UGT3A2: variants seen among roughly 807,000 people sequenced by gnomAD.
The protein encoded by UGT3A2 is UDP-glycosyltransferase 3A2.
Under a neutral mutation model 39.8 loss-of-function variants are expected in UGT3A2, and 32 were observed. The ratio of observed to expected loss-of-function variants is 0.80; its 90% CI spans 0.61 to 1.08. The LOEUF (loss-of-function observed/expected upper bound fraction) is 1.08. UGT3A2 is among the 50% of genes least tolerant of loss of function. The pLI, the probability that UGT3A2 is intolerant of heterozygous loss-of-function variation, is 0.00. For synonymous variants in UGT3A2, 241 were observed against 230.7 expected (o/e 1.04, Z -0.40); for missense variants, 611 against 637.1 (o/e 0.96, Z 0.44).
At chr5:36,061,614 C>A (rs1448458535) in intron 2 of UGT3A2, among the ~76,000 whole-genome samples, 1 of 150,194 alleles carries the variant, frequency 6.7e-6, no homozygotes, top group Non-Finnish European at 1.5e-5. Context: ...TGTATATGTG[C>A]CACATTTTCT....
rs1741788170 is a variant in UGT3A2, at chr5:36,035,482, T to G, written c.*216A>C. On this transcript the variant is annotated 3_prime_UTR_variant, in exon 7 of 7. Transcript: ENST00000282507. ...GGCAAACAAAGGAGGACAAGAGGAC[T>G]GGAAAGAATTCTGCTAGCAGGCAGG... 1.1e-5 allele frequency: 7 copies of G among 647,552 alleles called. No individual in the cohort carries two copies. In the South Asian group the frequency reaches 1.4e-4, roughly 13 times the overall value. 40.1% of individuals were successfully genotyped at this position (647,552 alleles called of 1,614,324 possible). A position where few individuals can be genotyped will look rare whatever the true frequency, so the allele number is the denominator to read the frequency against.
intron 5 of UGT3A2, among the ~76,000 whole-genome samples, 164 bp from the exon 6 acceptor site, chr5:36,038,180 T>A (rs777288238): frequency 6.6e-6 from 1 of 152,212 alleles, no homozygotes. Context: ...AGTTCCAAGA[T>A]ACAAGATTCC....
intron 4 of UGT3A2, among the ~76,000 whole-genome samples, chr5:36,045,683 A>G (rs1376019428): frequency 6.6e-6 from 1 of 152,144 alleles, no homozygotes; most frequent in African/African-American, 2.4e-5. Context: ...AACTACTAAA[A>G]GAAAACATTG....
In UGT3A2 at chr5:36,039,692, A is replaced by G. The variant is rs777822581; in HGVS notation, c.860T>C (p.Ile287Thr). 7 of 1,614,200 alleles carry G rather than the reference A, an allele frequency of 4.3e-6. No individual in the cohort carries two copies. The East Asian group carries it at 8.9e-5, about 21-fold the overall frequency. ...AAAACCAGAGTCCCCAAACTTGGCA[A>G]TGAAGTTCTCCAAGTCCTGGAGAAA... ...KPVPQDLENFIAKFGDSGFVL... is the reference protein window; with the variant it reads ...KPVPQDLENFTAKFGDSGFVL... The change falls in exon 5 of 7, where the codon ATT becomes ACT. Residue 287 changes from isoleucine to threonine, a missense_variant. Transcript: ENST00000282507.
At chr5:36,051,838 C>T (rs1386356593) in intron 3 of UGT3A2, 32 bp downstream of exon 3, 3 of 1,492,916 alleles carry the variant, frequency 2.0e-6, no homozygotes, top group East Asian at 2.3e-5. Context: ...AAAATGGTGA[C>T]CTTTTTGTTC....
intron 1 of UGT3A2, among the ~76,000 whole-genome samples, chr5:36,065,100 C>G (rs1363274612): frequency 6.6e-6 from 1 of 152,064 alleles, no homozygotes; most frequent in Admixed American, 6.6e-5. Context: ...AAAAGAGGTA[C>G]AAGTTCCACG....
At chr5:36,061,868 G>A (rs1011942107) in intron 2 of UGT3A2, among the ~76,000 whole-genome samples, 2 of 151,678 alleles carry the variant, frequency 1.3e-5, no homozygotes, top group East Asian at 3.9e-4. Flanking sequence ...CAGTGTAAAA[G>A]TGTTCCTATT....
intron 2 of UGT3A2, among the ~76,000 whole-genome samples, chr5:36,053,819 T>G (rs2111744948): frequency 6.6e-6 from 1 of 152,322 alleles, no homozygotes; most frequent in East Asian, 1.9e-4. Flanking sequence ...TTCCAGCTTC[T>G]CAAGGCTACC....
At chr5:36,037,717 A>G in intron 6 of UGT3A2, 80 bp downstream of exon 6, 2 of 1,499,788 alleles carry the variant, frequency 1.3e-6, no homozygotes, top group Non-Finnish European at 1.8e-6. Flanking sequence ...AAACAAAACC[A>G]AAAAAACAGA....
At position 36,039,762 on chromosome 5, in the gene UGT3A2, G is replaced by C; in HGVS notation, c.844-54C>G. ...TGACAAAATTATTGGTGAAAGCCTA[G>C]TTGACCAGAAAATGAAAGCCAGAGT... On this transcript the variant is annotated intron_variant, in intron 4 of 6. Coordinates refer to ENST00000282507, the MANE Select transcript of UGT3A2 (RefSeq NM_174914.4). The C allele has an allele frequency of 2.0e-6, 3 of 1,493,256 alleles. No homozygotes were observed. In the South Asian group the frequency reaches 3.5e-5, roughly 17 times the overall value. The allele number at this position is 1,493,256 out of a possible 1,614,324, so 92.5% of individuals were successfully genotyped here.
Position 36,043,669 on chromosome 5 carries a change from G to T in UGT3A2, c.844-3961C>A, listed in dbSNP as rs1309918583. Among the ~76,000 whole-genome samples the T allele has an allele frequency of 1.1e-4, 17 of 152,096 alleles. 3 individuals are homozygous for T. The highest frequency in any genetic ancestry group is 1.1e-3 in the Admixed American group (17 of 15,278). On this transcript the variant is annotated intron_variant, in intron 4 of 6. Coordinates refer to ENST00000282507, the MANE Select transcript of UGT3A2 (RefSeq NM_174914.4). ...CCAAATAAAATCAGAGCTAAAAAAA[G>T]AGACATTACAACTGATGCTACAGAA...
intron 4 of UGT3A2, among the ~76,000 whole-genome samples, chr5:36,043,962 TA>T (rs1233949474): frequency 3.3e-5 from 5 of 151,936 alleles, no homozygotes; most frequent in African/African-American, 9.7e-5. Context: ...CAAACTATTC[TA>T]AAAAACATAG....
At chr5:36,060,729 G>A (rs910223024) in intron 2 of UGT3A2, among the ~76,000 whole-genome samples, 2 of 152,190 alleles carry the variant, frequency 1.3e-5, no homozygotes, top group Non-Finnish European at 2.9e-5. Flanking sequence ...GTTTCAAGAA[G>A]TAATAGTGGC....
chr5:36,059,462 G>A (rs1388040264), intron 2 of UGT3A2, among the ~76,000 whole-genome samples: 1 of 151,124 alleles, frequency 6.6e-6, no homozygotes, highest in Non-Finnish European at 1.5e-5. Context: ...ATTGAGGGTG[G>A]TGAGCAGGAG....
intron 6 of UGT3A2, among the ~76,000 whole-genome samples, chr5:36,036,514 C>A (rs996266047): frequency 1.3e-5 from 2 of 152,204 alleles, no homozygotes; most frequent in East Asian, 3.8e-4. Context: ...TTATTTTACA[C>A]CAGGTCCTAC....
intron 2 of UGT3A2, among the ~76,000 whole-genome samples, chr5:36,063,183 G>A (rs1742766613): frequency 6.6e-6 from 1 of 151,984 alleles, no homozygotes; most frequent in Non-Finnish European, 1.5e-5. Context: ...AGCTTCAGGG[G>A]GTGCATGTCC....
In UGT3A2 at chr5:36,036,253, G is replaced by C. The variant is rs537422261; in HGVS notation, c.1296-279C>G. Among the ~76,000 whole-genome samples the C allele has an allele frequency of 5.3e-4, 80 of 152,300 alleles. No homozygotes were observed. In the South Asian group the frequency reaches 7.3e-3, roughly 14 times the overall value. On this transcript the variant is annotated intron_variant, in intron 6 of 6. Transcript: ENST00000282507. The stretch of plus-strand genomic sequence containing the variant: ...GATGTGCCCTAGGAAAATTATATAT[G>C]ATGTAATTATTATACATATACATGG...
intron 1 of UGT3A2, among the ~76,000 whole-genome samples, chr5:36,065,436 C>A (rs1416063634): frequency 6.6e-6 from 1 of 152,074 alleles, no homozygotes; most frequent in Non-Finnish European, 1.5e-5. Context: ...AGCGGTGGAT[C>A]TTGGGGAGTC....
rs200655363 is a variant in UGT3A2 at position 36,057,538 on chromosome 5, T to TC, written c.197-5555_197-5554insG. On this transcript the variant is annotated intron_variant, in intron 2 of 6. Coordinates refer to ENST00000282507, the MANE Select transcript of UGT3A2 (RefSeq NM_174914.4). ...TAGTTTCTCTCTCTCTCTCTCTCTC[T>TC]TTTTTTTTTTTTTCTCAGACTGGGT... 3.8e-3 allele frequency among the ~76,000 whole-genome samples: 446 copies of TC among 118,746 alleles called. 11 individuals are homozygous for TC. Among genetic ancestry groups the TC allele is most frequent in the Admixed American group, 0.029 (352 of 12,098 alleles). The allele number at this position is 118,746 out of a possible 152,430, so 77.9% of individuals were successfully genotyped here.
Sources: allele counts gnomAD v4.1 joint callset (sites outside exome capture counted in the v4.1 genomes callset), GRCh38; gene constraint gnomAD v4.1.1; transcripts MANE v1.5; gene names NCBI Gene and HGNC (gene_info 2026-07-23, HGNC 2026-07-21).